CEP41: variants seen among roughly 807,000 people sequenced by gnomAD.
CEP41 encodes centrosomal protein of 41 kDa.
CEP41 carries 32 observed loss-of-function variants against 44.3 expected under a neutral mutation model. The observed-to-expected ratio is 0.72, with a 90% CI of 0.54 to 0.97. The LOEUF is 0.97. CEP41 is among the 50% of genes least tolerant of loss of function. The probability of loss-of-function intolerance (pLI) is 0.00; values close to 1 mark genes in which losing one functional copy is unlikely to be tolerated. For synonymous variants in CEP41, 151 were observed against 168.5 expected (o/e 0.90, Z 0.80); for missense variants, 432 against 455.2 (o/e 0.95, Z 0.46).
rs941330214 is a variant in CEP41 at position 130,395,293 on chromosome 7, T to C, written c.*3598A>G. 63 of 453,898 alleles carry C rather than the reference T, an allele frequency of 1.4e-4. No individual in the cohort carries two copies. Among genetic ancestry groups the C allele is most frequent in the African/African-American group, 1.1e-3 (56 of 50,010 alleles). The allele number at this position is 453,898 out of a possible 1,614,324, so 28.1% of individuals were successfully genotyped here. A position where few individuals can be genotyped will look rare whatever the true frequency, so the allele number is the denominator to read the frequency against. On this transcript the variant is annotated 3_prime_UTR_variant, in exon 11 of 11. Coordinates refer to ENST00000223208, the MANE Select transcript of CEP41 (RefSeq NM_018718.3). The stretch of plus-strand genomic sequence containing the variant: ...TTAGTGAAAAATTAATGGACCTGCA[T>C]GTAAGTACTCAACATGCTCACATAA...
intron 1 of CEP41, among the ~76,000 whole-genome samples, chr7:130,431,035 A>C (rs1039643723): frequency 3.9e-5 from 6 of 152,168 alleles, no homozygotes; most frequent in South Asian, 2.1e-4. Flanking sequence ...AGAAATCCAT[A>C]TGCTGCAAGA....
chr7:130,395,429 GA>G lies in CEP41; in HGVS notation c.*3461del. ...GGGAAGAAAATAAACACACATTAAA[GA>G]CACTGAGAACGTTTTAGAACTGGAG... On this transcript the variant is annotated 3_prime_UTR_variant, in exon 11 of 11. Coordinates refer to ENST00000223208, the MANE Select transcript of CEP41 (RefSeq NM_018718.3). The G allele has an allele frequency of 4.4e-6, 2 of 454,058 alleles. No individual in the cohort carries two copies. The highest frequency in any genetic ancestry group is 1.6e-5 in the South Asian group (1 of 64,470). The allele number at this position is 454,058 out of a possible 1,614,324, so 28.1% of individuals were successfully genotyped here.
At chr7:130,422,544 T>C (rs1797539397) in intron 2 of CEP41, among the ~76,000 whole-genome samples, 1 of 152,156 alleles carries the variant, frequency 6.6e-6, no homozygotes, top group Admixed American at 6.5e-5. Flanking sequence ...CATAGGCTGC[T>C]GCACACCAGG....
At chr7:130,441,146 A>C (rs1554427792), upstream of CEP41, 1 of 730,514 alleles carries the variant, frequency 1.4e-6, no homozygotes, top group African/African-American at 1.7e-5. Context: ...GCAGAAGGGC[A>C]AGACGCCGCT....
intron 1 of CEP41, among the ~76,000 whole-genome samples, chr7:130,436,180 A>C (rs1554426093): frequency 6.6e-6 from 1 of 152,152 alleles, no homozygotes; most frequent in African/African-American, 2.4e-5. Context: ...CAAAACAAAA[A>C]AACTGCTGTA....
intron 1 of CEP41, among the ~76,000 whole-genome samples, chr7:130,429,318 C>T (rs1017176156): frequency 6.6e-6 from 1 of 151,968 alleles, no homozygotes; most frequent in Non-Finnish European, 1.5e-5. Context: ...AGTTTAGGGT[C>T]AGCAAAAATG....
At chr7:130,437,912 T>G (rs1162130603) in intron 1 of CEP41, among the ~76,000 whole-genome samples, 1 of 151,618 alleles carries the variant, frequency 6.6e-6, no homozygotes, top group African/African-American at 2.4e-5. Context: ...ATTTTAGACA[T>G]AAATTTTTAA....
At chr7:130,425,625 T>C (rs1027918920) in intron 2 of CEP41, among the ~76,000 whole-genome samples, 3 of 152,330 alleles carry the variant, frequency 2.0e-5, no homozygotes, top group African/African-American at 2.4e-5. Context: ...GGCAACTACA[T>C]TGTGACCAGC....
chr7:130,434,461 A>T (rs781905133), intron 1 of CEP41, among the ~76,000 whole-genome samples: 2 of 152,184 alleles, frequency 1.3e-5, no homozygotes, highest in Non-Finnish European at 2.9e-5. Flanking sequence ...AAGGACTACT[A>T]TCTCAAATAT....
At chr7:130,412,030 A>G in intron 4 of CEP41, 149 bp downstream of exon 4, 1 of 724,612 alleles carries the variant, frequency 1.4e-6, no homozygotes, top group Non-Finnish European at 2.5e-6. Flanking sequence ...CACACACACC[A>G]CATACCAATT....
In CEP41 at chr7:130,440,572, C is replaced by T. The variant is rs1563002462; in HGVS notation, c.33+362G>A. 1.3e-5 allele frequency: 6 copies of T among 461,876 alleles called. 1 individual carries two copies. In the South Asian group the frequency reaches 1.3e-4, roughly 10 times the overall value. 28.6% of individuals were successfully genotyped at this position (461,876 alleles called of 1,614,324 possible). On this transcript the variant is annotated intron_variant, in intron 1 of 10. Coordinates refer to ENST00000223208, the MANE Select transcript of CEP41 (RefSeq NM_018718.3). ...GTATCCCCACAATCAGAGATGCTGG[C>T]TGGCTTTCAACACGTGCCATTAGTG...
At chr7:130,419,938 T>C (rs754277445) in intron 2 of CEP41, 5 of 984,754 alleles carry the variant, frequency 5.1e-6, no homozygotes, top group Non-Finnish European at 6.0e-6. Context: ...CCAAGGACTA[T>C]TTATGGGCAC....
chr7:130,441,261 G>A (rs948894301), upstream of CEP41: 4 of 525,572 alleles, frequency 7.6e-6, no homozygotes, highest in African/African-American at 7.8e-5. Flanking sequence ...AGGCGCGGGG[G>A]GAGGGGAAGG....
upstream of CEP41, chr7:130,441,171 G>A (rs1798152063): frequency 1.4e-6 from 1 of 704,472 alleles, no homozygotes; most frequent in Non-Finnish European, 2.6e-6. Flanking sequence ...GGTTGCCAAG[G>A]GCAACGCGGG....
At position 130,410,462 on chromosome 7, in the gene CEP41, C is replaced by T. The variant is rs554030693; in HGVS notation, c.277+660G>A. The stretch of plus-strand genomic sequence containing the variant: ...GGGTACAATGAAGGCAGCAAGAAGA[C>T]ACTGGATGCTACTGGGCACACTTAG... On this transcript the variant is annotated intron_variant, in intron 5 of 10. Transcript: ENST00000223208. Among the ~76,000 whole-genome samples, 7 of 152,292 alleles carry T rather than the reference C, an allele frequency of 4.6e-5. No individual in the cohort carries two copies. The South Asian group carries it at 1.5e-3, about 32-fold the overall frequency.
chr7:130,421,931 G>A, intron 2 of CEP41: 1 of 1,535,192 alleles, frequency 6.5e-7, no homozygotes, highest in Non-Finnish European at 8.7e-7. Flanking sequence ...AACGCAGCCA[G>A]GGATTTCATC....
intron 1 of CEP41, among the ~76,000 whole-genome samples, chr7:130,429,577 A>G (rs1562995206): frequency 6.6e-6 from 1 of 152,204 alleles, no homozygotes; most frequent in Non-Finnish European, 1.5e-5. Context: ...TCCTGGCTTT[A>G]TCTTCTGCCA....
At chr7:130,406,772 A>G (rs1238123382) in intron 5 of CEP41, among the ~76,000 whole-genome samples, 1 of 151,730 alleles carries the variant, frequency 6.6e-6, no homozygotes, top group African/African-American at 2.4e-5. Flanking sequence ...AAATAACAGG[A>G]AAAAAAATCT....
At chr7:130,404,901 G>A (rs1238656322) in intron 5 of CEP41, among the ~76,000 whole-genome samples, 193 bp from the exon 6 acceptor site, 1 of 152,102 alleles carries the variant, frequency 6.6e-6, no homozygotes, top group Non-Finnish European at 1.5e-5. Context: ...GGATCTGCAA[G>A]GTAAAAACTA....
Sources: gnomAD v4.1 joint callset for allele counts (sites outside exome capture counted in the v4.1 genomes callset) on GRCh38, gnomAD v4.1.1 for gene constraint, MANE v1.5 for transcripts, NCBI Gene and HGNC (gene_info 2026-07-23, HGNC 2026-07-21) for gene names.